TENM3: variants seen among roughly 807,000 people sequenced by gnomAD.
TENM3 encodes teneurin transmembrane protein 3.
TENM3 carries 63 observed loss-of-function variants against 255.1 expected under a neutral mutation model. The ratio of observed to expected loss-of-function variants is 0.25; its 90% confidence interval spans 0.20 to 0.30. The LOEUF is 0.30. Ranked by LOEUF, TENM3 falls within the 10% of genes least tolerant of loss-of-function variation. The pLI is 1.00. For synonymous variants in TENM3, 1,306 were observed against 1,322.3 expected, an observed-to-expected ratio of 0.99 and a Z score of 0.27; for missense variants, 2,929 against 3,461.1, an observed-to-expected ratio of 0.85 and a Z score of 3.86.
chr4:182,355,707 T>C (rs1049367973), intron 3 of TENM3, among the ~76,000 whole-genome samples: 1 of 152,046 alleles, frequency 6.6e-6, no homozygotes, highest in African/African-American at 2.4e-5. Context: ...AGAATCAAGA[T>C]TTGATGATTA....
chr4:181,587,701 G>A, the TENM3 span, among the ~76,000 whole-genome samples: 13,110 of 152,122 alleles, frequency 0.086, 765 homozygotes, highest in Middle Eastern at 0.16. Context: ...GAATGTTGAG[G>A]ATTTCTTCAA....
chr4:181,828,923 C>T, the TENM3 span, among the ~76,000 whole-genome samples: 2 of 152,136 alleles, frequency 1.3e-5, no homozygotes, highest in Non-Finnish European at 2.9e-5. Context: ...CATTGTCCTC[C>T]CATGATACCA....
intron 1 of TENM3, among the ~76,000 whole-genome samples, chr4:182,305,802 T>C (rs988310891): frequency 6.6e-6 from 1 of 152,212 alleles, no homozygotes; most frequent in African/African-American, 2.4e-5. Context: ...TGATGCGTGG[T>C]GCTTACTTCA....
intron 12 of TENM3, among the ~76,000 whole-genome samples, chr4:182,690,865 A>G (rs1756959383): frequency 6.6e-6 from 1 of 152,204 alleles, no homozygotes; most frequent in Admixed American, 6.5e-5. Flanking sequence ...AATAGTTCTT[A>G]ACAATTCCAT....
At chr4:181,632,602 C>T in the TENM3 span, among the ~76,000 whole-genome samples, 2 of 152,188 alleles carry the variant, frequency 1.3e-5, no homozygotes, top group Non-Finnish European at 2.9e-5. Flanking sequence ...AGAAGTTATA[C>T]ATGAATAACA....
In TENM3 at chr4:182,789,626, A is replaced by G. The variant is rs1765947397; in HGVS notation, c.5601+237A>G. On this transcript the variant is annotated intron_variant, in intron 25 of 27. Coordinates refer to ENST00000511685, the MANE Select transcript of TENM3 (RefSeq NM_001080477.4). The surrounding 1 kb of genome is among the most constrained non-coding windows in gnomAD (Gnocchi z 4.4). Reference sequence around the variant, plus strand: ...CCCTTTTAAGTGATTTATGATGTAAACAAATAAGCATTAACGTTGTCCACC... The same window carrying G: ...CCCTTTTAAGTGATTTATGATGTAAGCAAATAAGCATTAACGTTGTCCACC... Among the ~76,000 whole-genome samples the G allele has an allele frequency of 6.6e-6, 1 of 152,226 alleles. No individual in the cohort carries two copies. Among genetic ancestry groups the G allele is most frequent in the African/African-American group, 2.4e-5 (1 of 41,440 alleles).
intron 3 of TENM3, among the ~76,000 whole-genome samples, chr4:182,478,451 T>C (rs1282515460): frequency 6.7e-6 from 1 of 148,348 alleles, no homozygotes; most frequent in African/African-American, 2.5e-5. Flanking sequence ...ATATGTAGAG[T>C]TTTTTTTTTA....
chr4:181,865,432 A>G, the TENM3 span, among the ~76,000 whole-genome samples: 1 of 152,120 alleles, frequency 6.6e-6, no homozygotes, highest in Non-Finnish European at 1.5e-5. Flanking sequence ...AAGACACAAA[A>G]TGCATTCTTT....
the TENM3 span, among the ~76,000 whole-genome samples, chr4:181,936,354 C>T: frequency 1.3e-4 from 20 of 152,252 alleles, no homozygotes; most frequent in South Asian, 1.0e-3. Context: ...AAGACTGCAC[C>T]ACTGCCCTCC....
the TENM3 span, among the ~76,000 whole-genome samples, chr4:181,562,594 CAA>C: frequency 6.6e-6 from 1 of 151,950 alleles, no homozygotes; most frequent in African/African-American, 2.4e-5. Context: ...TCTTCAGAAT[CAA>C]AGCTGGCTCA....
intron 5 of TENM3, among the ~76,000 whole-genome samples, chr4:182,633,574 T>A (rs1751584603): frequency 6.6e-6 from 1 of 152,210 alleles, no homozygotes; most frequent in South Asian, 2.1e-4. Flanking sequence ...TGAGATGAGG[T>A]CATCTGAGGA....
the TENM3 span, among the ~76,000 whole-genome samples, chr4:181,674,940 G>C: frequency 2.0e-5 from 3 of 152,020 alleles, no homozygotes; most frequent in Non-Finnish European, 4.4e-5. Flanking sequence ...CAAACAGGCT[G>C]TATACCCTTA....
At chr4:181,935,294 G>C in the TENM3 span, among the ~76,000 whole-genome samples, 1 of 152,194 alleles carries the variant, frequency 6.6e-6, no homozygotes, top group African/African-American at 2.4e-5. Flanking sequence ...AGGAAGATGA[G>C]ACAAACATTA....
intron 6 of TENM3, among the ~76,000 whole-genome samples, chr4:182,658,111 T>A (rs1292099253): frequency 6.6e-6 from 1 of 152,208 alleles, no homozygotes; most frequent in African/African-American, 2.4e-5. Context: ...AACTGATGTC[T>A]CCAGAGTTAC....
the TENM3 span, among the ~76,000 whole-genome samples, chr4:182,108,640 C>A: frequency 6.6e-6 from 1 of 152,108 alleles, no homozygotes; most frequent in African/African-American, 2.4e-5. Flanking sequence ...TGGGTGGAAT[C>A]GTGGAAGCAA....
the TENM3 span, among the ~76,000 whole-genome samples, chr4:182,088,206 T>C: frequency 6.6e-6 from 1 of 152,220 alleles, no homozygotes; most frequent in Non-Finnish European, 1.5e-5. Flanking sequence ...ACTTTAAATC[T>C]TATATTTACA....
chr4:182,511,276 A>T (rs1737366040), intron 3 of TENM3, among the ~76,000 whole-genome samples: 1 of 152,230 alleles, frequency 6.6e-6, no homozygotes, highest in African/African-American at 2.4e-5. Context: ...CCATAAATTA[A>T]TAAAAATAAA....
the TENM3 span, among the ~76,000 whole-genome samples, chr4:181,871,511 G>A: frequency 1.3e-5 from 2 of 152,056 alleles, no homozygotes; most frequent in African/African-American, 4.8e-5. Context: ...TGAATAAAGA[G>A]TTTTACTTCA....
the TENM3 span, among the ~76,000 whole-genome samples, chr4:182,104,595 T>G: frequency 6.7e-6 from 1 of 150,222 alleles, no homozygotes. Context: ...CACTATAACT[T>G]CTGCCTCCCG....
Sources: allele counts gnomAD v4.1 joint callset (sites outside exome capture counted in the v4.1 genomes callset), GRCh38; gene constraint gnomAD v4.1.1; non-coding constraint Gnocchi (gnomAD v3.1); transcripts MANE v1.5; gene names NCBI Gene and HGNC (gene_info 2026-07-23, HGNC 2026-07-21).